SLC9C1: variants seen among roughly 807,000 people sequenced by gnomAD.
SLC9C1 encodes the protein solute carrier family 9 member C1.
SLC9C1 carries 97 observed loss-of-function variants against 140.9 expected under a neutral mutation model. The observed-to-expected ratio is 0.69, with a 90% CI of 0.58 to 0.82. The LOEUF (loss-of-function observed/expected upper bound fraction) is 0.82, where lower values mean the gene tolerates loss of function less well. Among genes scored for constraint, SLC9C1 ranks in the 40% least tolerant of loss-of-function variants. The pLI, the probability that SLC9C1 is intolerant of heterozygous loss-of-function variation, is 0.00. For missense variants in SLC9C1, 1,340 were observed against 1,389.3 expected, an observed-to-expected ratio of 0.96 and a Z score of 0.56; for synonymous variants, 440 against 442.6, an observed-to-expected ratio of 0.99 and a Z score of 0.07.
chr3:112,166,049 G>GGT (rs1560021076), intron 26 of SLC9C1, among the ~76,000 whole-genome samples: 1 of 126,092 alleles, frequency 7.9e-6, no homozygotes, highest in African/African-American at 2.7e-5. Context: ...GAGGCTCCGT[G>GGT]GTCGTAGGAC....
At chr3:112,168,770 G>A in intron 25 of SLC9C1, 107 bp downstream of exon 25, 1 of 1,074,032 alleles carries the variant, frequency 9.3e-7, no homozygotes, top group South Asian at 1.7e-5. Flanking sequence ...AAAGGGAGAA[G>A]ATTGGAAGAT....
At chr3:112,268,743 G>A (rs2079991064) in intron 7 of SLC9C1, among the ~76,000 whole-genome samples, 1 of 152,012 alleles carries the variant, frequency 6.6e-6, no homozygotes, top group Non-Finnish European at 1.5e-5. Flanking sequence ...TATTGTATTA[G>A]CTAGAGCCTT....
chr3:112,186,259 T>TGAA (rs59101363), intron 20 of SLC9C1, among the ~76,000 whole-genome samples: 116,463 of 151,674 alleles, frequency 0.77, 45,045 homozygotes, highest in East Asian at 0.99. Flanking sequence ...GGTATCCTAT[T>TGAA]GAAATCTCTG....
chr3:112,153,862 A>G (rs1263700085), intron 27 of SLC9C1, among the ~76,000 whole-genome samples: 2 of 152,214 alleles, frequency 1.3e-5, no homozygotes, highest in African/African-American at 2.4e-5. Context: ...TCAACAGGCA[A>G]TAAATAGGAA....
At chr3:112,199,698 G>A (rs1249027101) in intron 19 of SLC9C1, among the ~76,000 whole-genome samples, 2 of 152,032 alleles carry the variant, frequency 1.3e-5, no homozygotes, top group Non-Finnish European at 2.9e-5. Flanking sequence ...AGTCCATGGA[G>A]AAGGATAGGT....
chr3:112,269,095 T>A lies in SLC9C1; in HGVS notation c.775+821A>T, dbSNP rs550828184. 3.3e-5 allele frequency among the ~76,000 whole-genome samples: 5 copies of A among 152,312 alleles called. No individual in the cohort carries two copies. In the South Asian group the frequency reaches 1.0e-3, roughly 32 times the overall value. ...ACAGTTACCAAGACAAAATATCTAA[T>A]TTACAGGTAGAAACTGCCCCCGCTC... On this transcript the variant is annotated intron_variant, in intron 7 of 28. Transcript: ENST00000305815.
intron 6 of SLC9C1, 33 bp from the exon 7 acceptor site, chr3:112,270,110 A>C (rs2080031293): frequency 6.9e-7 from 1 of 1,442,260 alleles, no homozygotes; most frequent in African/African-American, 1.5e-5. Context: ...AGAAATAGTT[A>C]ATAGAACTTG....
At chr3:112,228,764 T>C (rs540179603) in intron 13 of SLC9C1, among the ~76,000 whole-genome samples, 10 of 151,976 alleles carry the variant, frequency 6.6e-5, no homozygotes, top group African/African-American at 2.4e-4. Flanking sequence ...ACACAAACGG[T>C]CAACAAGCAC....
chr3:112,274,847 G>T, intron 6 of SLC9C1, 50 bp downstream of exon 6: 1 of 1,405,236 alleles, frequency 7.1e-7, no homozygotes, highest in Non-Finnish European at 9.5e-7. Flanking sequence ...TCAGCTTTCA[G>T]AAAATACAGG....
In SLC9C1 at chr3:112,231,497, CATAA is replaced by C. The variant is rs762556742; in HGVS notation, c.1447-15_1447-12del. 3 of 1,594,430 alleles carry C rather than the reference CATAA, an allele frequency of 1.9e-6. No homozygotes were observed. The highest frequency in any genetic ancestry group is 3.5e-5 in the Admixed American group (2 of 57,462). ...TTCTTCTTCGTTCAACTAAATAAAA[CATAA>C]ATAAAAGAACAAAAAATACATGAAT... On this transcript the variant is annotated splice_polypyrimidine_tract_variant and intron_variant, in intron 12 of 28. Transcript: ENST00000305815.
intron 20 of SLC9C1, among the ~76,000 whole-genome samples, chr3:112,188,684 T>C (rs2107985010): frequency 6.6e-6 from 1 of 152,286 alleles, no homozygotes; most frequent in Middle Eastern, 3.4e-3. Flanking sequence ...TGAATAGTGT[T>C]GCAATGAACA....
intron 12 of SLC9C1, among the ~76,000 whole-genome samples, chr3:112,233,072 AT>A (rs869095144): frequency 0.012 from 997 of 83,648 alleles, 21 homozygotes; most frequent in Middle Eastern, 0.038. Context: ...TATATATTAT[AT>A]TTTTTTTTTT....
At chr3:112,212,517 T>C (rs1199891196) in intron 15 of SLC9C1, among the ~76,000 whole-genome samples, 1 of 152,228 alleles carries the variant, frequency 6.6e-6, no homozygotes, top group African/African-American at 2.4e-5. Flanking sequence ...TTAAAGGACC[T>C]GATGGAGGTG....
intron 10 of SLC9C1, among the ~76,000 whole-genome samples, chr3:112,254,955 C>T (rs1315455557): frequency 6.6e-6 from 1 of 151,972 alleles, no homozygotes; most frequent in Non-Finnish European, 1.5e-5. Flanking sequence ...ACAAAACAGA[C>T]TTAAAACAAC....
At chr3:112,274,357 A>G (rs1037584833) in intron 6 of SLC9C1, among the ~76,000 whole-genome samples, 3 of 152,150 alleles carry the variant, frequency 2.0e-5, no homozygotes, top group Admixed American at 6.6e-5. Context: ...GAAAAAAAGT[A>G]CTTATGGTTT....
At chr3:112,270,154 T>C in intron 6 of SLC9C1, 77 bp from the exon 7 acceptor site, 1 of 1,385,802 alleles carries the variant, frequency 7.2e-7, no homozygotes, top group Non-Finnish European at 9.5e-7. Context: ...TTGTTAATTT[T>C]CCTTTTTGTC....
At chr3:112,240,635 A>G (rs897657550) in intron 11 of SLC9C1, among the ~76,000 whole-genome samples, 2 of 152,146 alleles carry the variant, frequency 1.3e-5, no homozygotes, top group African/African-American at 4.8e-5. Flanking sequence ...TTTAGCTGGA[A>G]CTTGTACCAT....
intron 26 of SLC9C1, among the ~76,000 whole-genome samples, chr3:112,157,008 C>A (rs1299363500): frequency 6.6e-6 from 1 of 152,042 alleles, no homozygotes; most frequent in Non-Finnish European, 1.5e-5. Flanking sequence ...CTTTGTTGTG[C>A]AGAAGCTTTT....
intron 10 of SLC9C1, among the ~76,000 whole-genome samples, chr3:112,246,816 C>T (rs1202914443): frequency 6.6e-6 from 1 of 152,066 alleles, no homozygotes; most frequent in Non-Finnish European, 1.5e-5. Context: ...TAGAAAGTTT[C>T]AGGAAAAGAG....
Sources: gnomAD v4.1 joint callset for allele counts (sites outside exome capture counted in the v4.1 genomes callset) on GRCh38, gnomAD v4.1.1 for gene constraint, MANE v1.5 for transcripts, NCBI Gene and HGNC (gene_info 2026-07-23, HGNC 2026-07-21) for gene names.